CENPC: variants seen among roughly 807,000 people sequenced by gnomAD.
CENPC encodes CENP-C 1.
A neutral mutation model predicts 112.1 loss-of-function variants in CENPC; 63 were observed. The observed-to-expected ratio is 0.56, with a 90% CI of 0.46 to 0.69. The LOEUF (loss-of-function observed/expected upper bound fraction) is 0.69, where lower values mean the gene tolerates loss of function less well. CENPC is among the 30% of genes least tolerant of loss of function. The pLI is 0.00. For synonymous variants in CENPC, 333 were observed against 367.6 expected (o/e 0.91, Z 1.08); for missense variants, 1,000 against 1,103.8 (o/e 0.91, Z 1.33).
At chr4:67,502,788 G>C (rs546196470) in intron 12 of CENPC, among the ~76,000 whole-genome samples, 2 of 152,136 alleles carry the variant, frequency 1.3e-5, no homozygotes, top group South Asian at 4.1e-4. Flanking sequence ...CCAGGAGCTC[G>C]GGCCAAAAAC....
intron 14 of CENPC, 49 bp from the exon 15 acceptor site, chr4:67,493,046 T>G: frequency 2.8e-6 from 4 of 1,422,658 alleles, no homozygotes; most frequent in Non-Finnish European, 3.7e-6. Context: ...GACAAAATCT[T>G]GAAACAAAAC....
At chr4:67,475,966 C>A (rs1724794122) in intron 17 of CENPC, among the ~76,000 whole-genome samples, 1 of 152,188 alleles carries the variant, frequency 6.6e-6, no homozygotes, top group South Asian at 2.1e-4. Context: ...AAACTGCCTA[C>A]ATGATAGTGG....
At position 67,542,895 on chromosome 4, in the gene CENPC, G is replaced by A. The variant is rs1726926695; in HGVS notation, c.65+1254C>T. ...GATCCAAAAAGATCAGATTTGCCAAGGTGATAATGCAGAGTCACTATTAGA... is the reference window on the plus strand; with the variant it reads ...GATCCAAAAAGATCAGATTTGCCAAAGTGATAATGCAGAGTCACTATTAGA... On this transcript the variant is annotated intron_variant, in intron 2 of 18. Coordinates refer to ENST00000273853, the MANE Select transcript of CENPC (RefSeq NM_001812.4). 1.3e-5 allele frequency among the ~76,000 whole-genome samples: 2 copies of A among 152,244 alleles called. 1 individual carries two copies. The highest frequency in any genetic ancestry group is 4.1e-4 in the South Asian group (2 of 4,830).
At chr4:67,505,338 A>T in intron 11 of CENPC, 54 bp from the exon 12 acceptor site, 1 of 1,034,950 alleles carries the variant, frequency 9.7e-7, no homozygotes, top group Non-Finnish European at 1.4e-6. Flanking sequence ...CATATATCTA[A>T]TGTATTTGCC....
At chr4:67,537,027 TAA>T (rs74550952) in intron 4 of CENPC, among the ~76,000 whole-genome samples, 11 of 97,178 alleles carry the variant, frequency 1.1e-4, no homozygotes, top group Non-Finnish European at 1.7e-4. Flanking sequence ...TACCTCTAAT[TAA>T]AAAAAAAAAA....
At chr4:67,521,204 C>CAAA (rs71219050) in intron 5 of CENPC, among the ~76,000 whole-genome samples, 2 of 131,450 alleles carry the variant, frequency 1.5e-5, no homozygotes, top group Non-Finnish European at 1.6e-5. Flanking sequence ...CAAAACAAAC[C>CAAA]AAAAAAAAAA....
At chr4:67,537,413 T>G (rs995240621) in intron 4 of CENPC, among the ~76,000 whole-genome samples, 1 of 152,116 alleles carries the variant, frequency 6.6e-6, no homozygotes, top group Non-Finnish European at 1.5e-5. Context: ...CCCAATGCTT[T>G]GGGAAGCTGA....
chr4:67,508,697 T>A, intron 10 of CENPC, 117 bp downstream of exon 10: 2 of 877,966 alleles, frequency 2.3e-6, no homozygotes, highest in South Asian at 1.8e-5. Flanking sequence ...ATACCAGGTA[T>A]GTCAGAGTGC....
In CENPC at chr4:67,468,903, C is replaced by A. The variant is rs1368300071; in HGVS notation, c.*3702G>T. On this transcript the variant is annotated 3_prime_UTR_variant, in exon 19 of 19. Coordinates refer to ENST00000273853, the MANE Select transcript of CENPC (RefSeq NM_001812.4). Reference sequence around the variant, plus strand: ...AGGGCTTTATGCTGAGTGAGAAAAACCAAAGGTCATACACTATATTATTCC... The same window carrying A: ...AGGGCTTTATGCTGAGTGAGAAAAAACAAAGGTCATACACTATATTATTCC... 2.0e-5 allele frequency: 3 copies of A among 152,082 alleles called. No individual in the cohort carries two copies. The highest frequency in any genetic ancestry group is 7.2e-5 in the African/African-American group (3 of 41,408). 9.4% of individuals were successfully genotyped at this position (152,082 alleles called of 1,614,324 possible).
intron 17 of CENPC, among the ~76,000 whole-genome samples, chr4:67,482,942 C>T (rs1724993667): frequency 6.6e-6 from 1 of 152,096 alleles, no homozygotes; most frequent in Non-Finnish European, 1.5e-5. Flanking sequence ...TGGGAGGGAC[C>T]TAGTGGGAGG....
At chr4:67,537,548 T>C (rs1433761653) in intron 4 of CENPC, among the ~76,000 whole-genome samples, 1 of 152,128 alleles carries the variant, frequency 6.6e-6, no homozygotes, top group East Asian at 1.9e-4. Context: ...ATCCCAGCAC[T>C]GTGGGAGGCC....
chr4:67,540,444 A>G (rs1225776661), intron 3 of CENPC, among the ~76,000 whole-genome samples: 6 of 152,298 alleles, frequency 3.9e-5, no homozygotes, highest in African/African-American at 1.4e-4. Flanking sequence ...TGAAGAGGGC[A>G]GATCACTGGA....
rs1724682449 is a variant in CENPC at position 67,472,153 on chromosome 4, T to C, written c.*452A>G. 6.6e-6 allele frequency: 1 copy of C among 152,364 alleles called. No homozygotes were observed. The highest frequency in any genetic ancestry group is 6.5e-5 in the Admixed American group (1 of 15,282). The allele number at this position is 152,364 out of a possible 1,614,324, so 9.4% of individuals were successfully genotyped here. ...CTAGAACTGAGATAATAAATTTCTG[T>C]TGCTTTAAGTCACTCATTTTGTGGT... On this transcript the variant is annotated 3_prime_UTR_variant, in exon 19 of 19. Coordinates refer to ENST00000273853, the MANE Select transcript of CENPC (RefSeq NM_001812.4).
intron 11 of CENPC, among the ~76,000 whole-genome samples, chr4:67,506,224 G>A (rs188046727): frequency 4.4e-3 from 672 of 152,248 alleles, no homozygotes; most frequent in Non-Finnish European, 7.5e-3. Context: ...AACATTATAT[G>A]TCCAAATTCT....
chr4:67,494,231 G>A (rs1353729764), intron 13 of CENPC, among the ~76,000 whole-genome samples: 1 of 152,170 alleles, frequency 6.6e-6, no homozygotes, highest in East Asian at 1.9e-4. Flanking sequence ...AATGTTAAAT[G>A]TACACTCATC....
chr4:67,475,681 C>A (rs1395348632), intron 17 of CENPC, among the ~76,000 whole-genome samples: 1 of 152,216 alleles, frequency 6.6e-6, no homozygotes, highest in Non-Finnish European at 1.5e-5. Flanking sequence ...TCACTGCAAG[C>A]TCCGCCTCCA....
At chr4:67,489,854 G>T in intron 17 of CENPC, 113 bp downstream of exon 17, 1 of 851,084 alleles carries the variant, frequency 1.2e-6, no homozygotes, top group Admixed American at 3.2e-5. Context: ...TTCTCTGTGT[G>T]GTGTAGTAAT....
chr4:67,514,800 TCTC>T (rs1265435875), intron 7 of CENPC, 113 bp from the exon 8 acceptor site: 6 of 1,043,238 alleles, frequency 5.8e-6, no homozygotes, highest in Admixed American at 2.9e-5. Flanking sequence ...TGTTTATATA[TCTC>T]CTCAATTTTC....
chr4:67,477,792 A>AT (rs540809968), intron 17 of CENPC, among the ~76,000 whole-genome samples: 8 of 151,978 alleles, frequency 5.3e-5, no homozygotes, highest in Non-Finnish European at 7.4e-5. Context: ...AACTTAAAGA[A>AT]TTTTTTTTTA....
Sources: gnomAD v4.1 joint callset for allele counts (sites outside exome capture counted in the v4.1 genomes callset) on GRCh38, gnomAD v4.1.1 for gene constraint, MANE v1.5 for transcripts, NCBI Gene and HGNC (gene_info 2026-07-23, HGNC 2026-07-21) for gene names.